ESRRB: variants seen among roughly 807,000 people sequenced by gnomAD.
ESRRB encodes the protein steroid hormone receptor ERR2.
Under a neutral mutation model 46.0 loss-of-function variants are expected in ESRRB, and 16 were observed. The observed-to-expected ratio is 0.35, with a 90% confidence interval of 0.24 to 0.53. The LOEUF (loss-of-function observed/expected upper bound fraction) is 0.53, where lower values mean the gene tolerates loss of function less well. Ranked by LOEUF, ESRRB falls within the 20% of genes least tolerant of loss-of-function variation. The pLI is 0.93. For synonymous variants in ESRRB, 246 were observed against 259.6 expected, an observed-to-expected ratio of 0.95 and a Z score of 0.50; for missense variants, 488 against 607.4, an observed-to-expected ratio of 0.80 and a Z score of 2.07.
chr14:76,432,456 C>T (rs1318726180), intron 1 of ESRRB, among the ~76,000 whole-genome samples: 1 of 152,146 alleles, frequency 6.6e-6, no homozygotes, highest in Non-Finnish European at 1.5e-5. Flanking sequence ...TTGCAAACTT[C>T]CCTCCTTCTC....
intron 2 of ESRRB, among the ~76,000 whole-genome samples, chr14:76,446,259 A>G: frequency 6.6e-6 from 1 of 152,216 alleles, no homozygotes; most frequent in Admixed American, 6.5e-5. Context: ...AGGCAGATTC[A>G]GTCTCCTGGC....
chr14:76,445,482 A>AAAAAGAAAGAAAG (rs1555398182), intron 2 of ESRRB, among the ~76,000 whole-genome samples: 1 of 120,074 alleles, frequency 8.3e-6, no homozygotes, highest in African/African-American at 4.3e-5. Context: ...AAAAAAAAAA[A>AAAAAGAAAGAAAG]AAAGAAAGAA....
chr14:76,489,369 A>G (rs942165525), intron 5 of ESRRB, among the ~76,000 whole-genome samples: 4 of 150,146 alleles, frequency 2.7e-5, no homozygotes, highest in Non-Finnish European at 5.9e-5. Flanking sequence ...ATTTCTATCT[A>G]TCTTTTATTA....
chr14:76,341,279 G>T (rs1884188760), intron 1 of ESRRB, among the ~76,000 whole-genome samples: 1 of 152,230 alleles, frequency 6.6e-6, no homozygotes, highest in Non-Finnish European at 1.5e-5. Context: ...CCCTCAGCTG[G>T]TTCTCGGCCT....
chr14:76,342,577 A>G (rs1884204353), intron 1 of ESRRB, among the ~76,000 whole-genome samples: 1 of 152,206 alleles, frequency 6.6e-6, no homozygotes, highest in Non-Finnish European at 1.5e-5. Flanking sequence ...AGACAGGCAA[A>G]GAGAGGAACG....
intron 2 of ESRRB, among the ~76,000 whole-genome samples, chr14:76,458,301 G>A (rs765872153): frequency 3.9e-5 from 6 of 152,048 alleles, no homozygotes; most frequent in Admixed American, 1.3e-4. Context: ...TCACTTTATC[G>A]AGGAGGCACT....
chr14:76,424,871 G>C (rs537642534), intron 1 of ESRRB, among the ~76,000 whole-genome samples: 1 of 152,200 alleles, frequency 6.6e-6, no homozygotes, highest in East Asian at 1.9e-4. Context: ...GAAGTAGCTG[G>C]GATTACAGGC....
chr14:76,456,945 T>A (rs1276505631), intron 2 of ESRRB, among the ~76,000 whole-genome samples: 4 of 152,146 alleles, frequency 2.6e-5, no homozygotes, highest in Admixed American at 2.6e-4. Flanking sequence ...TCACACCAGC[T>A]GAATAGAGTG....
At chr14:76,429,950 CCCTT>C (rs1056102609) in intron 1 of ESRRB, among the ~76,000 whole-genome samples, 20 of 151,210 alleles carry the variant, frequency 1.3e-4, no homozygotes, top group South Asian at 2.1e-4. Context: ...GCCTACTTGC[CCCTT>C]CCTTCCTTCC....
chr14:76,479,013 C>T (rs189111315), intron 3 of ESRRB, among the ~76,000 whole-genome samples: 6 of 152,120 alleles, frequency 3.9e-5, no homozygotes, highest in African/African-American at 1.2e-4. Flanking sequence ...GGTACAGCTG[C>T]GTTTGCTAGG....
chr14:76,372,107 A>T (rs935525098), upstream of ESRRB, among the ~76,000 whole-genome samples: 7 of 151,748 alleles, frequency 4.6e-5, no homozygotes, highest in African/African-American at 1.7e-4. Context: ...TGCTCTAGTG[A>T]CCCTTGAGAT....
At chr14:76,376,078 G>A (rs1315186832), upstream of ESRRB, 1 of 182,354 alleles carries the variant, frequency 5.5e-6, no homozygotes, top group Non-Finnish European at 1.1e-5. The surrounding 1 kb of genome is among the most constrained non-coding windows in gnomAD (Gnocchi z 4.1). Flanking sequence ...ATAGCCAATA[G>A]GAGCCAAACT....
At chr14:76,384,753 AG>A (rs1308310966) in intron 1 of ESRRB, among the ~76,000 whole-genome samples, 1 of 152,246 alleles carries the variant, frequency 6.6e-6, no homozygotes, top group South Asian at 2.1e-4. Context: ...AGAGAGGACA[AG>A]GGGGGGTTAT....
At chr14:76,420,556 T>A (rs1305434352) in intron 1 of ESRRB, among the ~76,000 whole-genome samples, 2 of 120,878 alleles carry the variant, frequency 1.7e-5, no homozygotes. Context: ...CTACAGGGTG[T>A]GAGTGTGTGT....
intron 1 of ESRRB, among the ~76,000 whole-genome samples, chr14:76,327,456 C>T (rs756511800): frequency 6.6e-6 from 1 of 151,962 alleles, no homozygotes; most frequent in Non-Finnish European, 1.5e-5. Flanking sequence ...AGCCTGACTT[C>T]CCGGAAAGGT....
At chr14:76,347,244 T>C (rs1884262175) in intron 1 of ESRRB, among the ~76,000 whole-genome samples, 1 of 152,150 alleles carries the variant, frequency 6.6e-6, no homozygotes, top group Admixed American at 6.5e-5. Context: ...CCTATGCCTA[T>C]GTATGTGGGT....
intron 5 of ESRRB, 113 bp from the exon 6 acceptor site, chr14:76,491,334 G>A: frequency 9.6e-7 from 1 of 1,042,310 alleles, no homozygotes; most frequent in Non-Finnish European, 1.4e-6. Flanking sequence ...GGGGTGCCAG[G>A]GACACCCCGC....
chr14:76,317,064 A>ACAG (rs1370939492), intron 1 of ESRRB, among the ~76,000 whole-genome samples: 3 of 152,152 alleles, frequency 2.0e-5, no homozygotes, highest in African/African-American at 7.2e-5. Flanking sequence ...TTCCATTAGC[A>ACAG]CAGACAAGGC....
At chr14:76,450,618 G>C (rs2139960879) in intron 2 of ESRRB, among the ~76,000 whole-genome samples, 1 of 151,386 alleles carries the variant, frequency 6.6e-6, no homozygotes, top group African/African-American at 2.4e-5. Flanking sequence ...GGGCCCAGAT[G>C]CAGGCTTGGA....
Sources: allele counts gnomAD v4.1 joint callset (sites outside exome capture counted in the v4.1 genomes callset), GRCh38; gene constraint gnomAD v4.1.1; non-coding constraint Gnocchi (gnomAD v3.1); transcripts MANE v1.5; gene names NCBI Gene and HGNC (gene_info 2026-07-23, HGNC 2026-07-21).